The following MAGI2 variants were observed in gnomAD, a reference collection of about 807,000 sequenced individuals.
MAGI2 encodes the protein membrane-associated guanylate kinase, WW and PDZ domain-containing protein 2.
Under a neutral mutation model 133.3 loss-of-function variants are expected in MAGI2, and 35 were observed. The observed-to-expected ratio is 0.26, with a 90% CI of 0.20 to 0.35. MAGI2 has a LOEUF of 0.35. Among genes scored for constraint, MAGI2 ranks in the 10% least tolerant of loss-of-function variants. The probability of loss-of-function intolerance (pLI) is 1.00; values close to 1 mark genes in which losing one functional copy is unlikely to be tolerated. For missense variants in MAGI2, 1,636 were observed against 1,863.4 expected (o/e 0.88, Z 2.25); for synonymous variants, 729 against 710.6 (o/e 1.03, Z -0.41).
intron 1 of MAGI2, among the ~76,000 whole-genome samples, chr7:79,264,208 G>A (rs1834281525): frequency 6.6e-6 from 1 of 152,148 alleles, no homozygotes; most frequent in Non-Finnish European, 1.5e-5. Context: ...GTTTGTGGCT[G>A]CTGTTTTAGA....
Position 79,093,701 on chromosome 7 carries a change from T to C in MAGI2, c.302-86495A>G, listed in dbSNP as rs545787689. Among the ~76,000 whole-genome samples, 1,069 of 129,946 alleles carry C rather than the reference T, an allele frequency of 8.2e-3. 7 individuals carry two copies. The highest frequency in any genetic ancestry group is 0.012 in the Non-Finnish European group (762 of 61,494). 85.2% of individuals were successfully genotyped at this position (129,946 alleles called of 152,430 possible). On this transcript the variant is annotated intron_variant, in intron 1 of 21. Transcript: ENST00000354212. ...CTTTCTCTTTCTCTTTCTCTTTCTT[T>C]TTCTTTTCTTTTCTTTTTTTTTTTT...
At chr7:79,233,971 C>T (rs1374163572) in intron 1 of MAGI2, among the ~76,000 whole-genome samples, 1 of 146,962 alleles carries the variant, frequency 6.8e-6, no homozygotes, top group Non-Finnish European at 1.5e-5. Context: ...CCTTCAGGAG[C>T]TCTTTTAGGG....
At chr7:78,976,989 G>A (rs1184085094) in intron 2 of MAGI2, among the ~76,000 whole-genome samples, 1 of 151,590 alleles carries the variant, frequency 6.6e-6, no homozygotes, top group African/African-American at 2.4e-5. Context: ...TAGATTAAAG[G>A]ACTCAATATT....
intron 1 of MAGI2, among the ~76,000 whole-genome samples, chr7:79,192,031 A>G (rs555206920): frequency 6.6e-6 from 1 of 151,916 alleles, no homozygotes; most frequent in East Asian, 1.9e-4. Flanking sequence ...ATCTTTTTGC[A>G]TGTACATAGA....
At chr7:78,510,617 A>G (rs1236952390) in intron 4 of MAGI2, among the ~76,000 whole-genome samples, 2 of 152,234 alleles carry the variant, frequency 1.3e-5, no homozygotes, top group Non-Finnish European at 2.9e-5. Context: ...TCTTCTTTAA[A>G]AGGTGTTTGC....
chr7:78,655,465 A>AAC (rs1812117182), intron 2 of MAGI2, among the ~76,000 whole-genome samples: 1 of 140,812 alleles, frequency 7.1e-6, no homozygotes, highest in South Asian at 2.4e-4. Context: ...AAAAAAAAAA[A>AAC]AAAAAAAAAA....
intron 9 of MAGI2, among the ~76,000 whole-genome samples, chr7:78,280,413 A>G (rs1272135649): frequency 1.3e-5 from 2 of 152,146 alleles, no homozygotes; most frequent in African/African-American, 4.8e-5. Flanking sequence ...TCAGCTTACA[A>G]CATATTGTTT....
chr7:78,461,383 C>T (rs973319062), intron 6 of MAGI2, among the ~76,000 whole-genome samples: 1 of 92,658 alleles, frequency 1.1e-5, no homozygotes, highest in Non-Finnish European at 2.2e-5. Context: ...TTCCTGGACA[C>T]GTGTGTGTGC....
At chr7:79,329,988 T>C (rs1042530185) in intron 1 of MAGI2, among the ~76,000 whole-genome samples, 3 of 152,056 alleles carry the variant, frequency 2.0e-5, no homozygotes, top group Non-Finnish European at 4.4e-5. Context: ...ATAGGATTGA[T>C]TTTAAAAATA....
At chr7:79,327,964 A>G (rs1839819496) in intron 1 of MAGI2, among the ~76,000 whole-genome samples, 1 of 152,202 alleles carries the variant, frequency 6.6e-6, no homozygotes, top group African/African-American at 2.4e-5. Flanking sequence ...TATGATTTCA[A>G]TAATTAAATG....
intron 20 of MAGI2, among the ~76,000 whole-genome samples, chr7:78,085,550 C>CCA (rs10636313): frequency 0.17 from 20,903 of 120,860 alleles, 1,607 homozygotes; most frequent in Middle Eastern, 0.23. Context: ...AATAAAACTC[C>CCA]CACACACACA....
intron 6 of MAGI2, among the ~76,000 whole-genome samples, chr7:78,449,269 G>T (rs908863114): frequency 1.3e-5 from 2 of 151,946 alleles, no homozygotes; most frequent in Non-Finnish European, 2.9e-5. Flanking sequence ...CAGAAGAGCC[G>T]TATTTCTTGA....
At chr7:79,029,722 A>G (rs1470255894) in intron 1 of MAGI2, among the ~76,000 whole-genome samples, 1 of 152,174 alleles carries the variant, frequency 6.6e-6, no homozygotes, top group African/African-American at 2.4e-5. Context: ...CCTGTTTCAA[A>G]GTTTTAAAAT....
intron 1 of MAGI2, among the ~76,000 whole-genome samples, chr7:79,254,623 C>T (rs780781415): frequency 2.0e-5 from 3 of 152,180 alleles, no homozygotes; most frequent in African/African-American, 7.2e-5. Flanking sequence ...TCCCAGTGAA[C>T]AAAAATGCCA....
intron 1 of MAGI2, among the ~76,000 whole-genome samples, chr7:79,371,134 A>G (rs558521913): frequency 6.6e-6 from 1 of 152,258 alleles, no homozygotes; most frequent in South Asian, 2.1e-4. Context: ...TTCTTCTTCT[A>G]AAATCCGATA....
intron 2 of MAGI2, among the ~76,000 whole-genome samples, chr7:78,897,180 T>G (rs542298801): frequency 6.6e-6 from 1 of 152,244 alleles, no homozygotes; most frequent in East Asian, 1.9e-4. Flanking sequence ...TCTAATTTCA[T>G]GTATAAGGAA....
intron 3 of MAGI2, among the ~76,000 whole-genome samples, chr7:78,598,651 C>G (rs979871570): frequency 3.3e-5 from 5 of 151,982 alleles, no homozygotes; most frequent in East Asian, 3.9e-4. Flanking sequence ...TCAAGGAAAC[C>G]CGTTGGGAGG....
chr7:79,178,834 A>T (rs1264447871), intron 1 of MAGI2, among the ~76,000 whole-genome samples: 1 of 152,008 alleles, frequency 6.6e-6, no homozygotes, highest in Non-Finnish European at 1.5e-5. Context: ...TCTGCAAATA[A>T]TTTTCAAAAG....
chr7:79,371,409 A>G (rs983782492), intron 1 of MAGI2, among the ~76,000 whole-genome samples: 1 of 152,162 alleles, frequency 6.6e-6, no homozygotes, highest in Admixed American at 6.5e-5. Context: ...TAATAACACA[A>G]TCATGAGCCA....
Sources: gnomAD v4.1 joint callset for allele counts (sites outside exome capture counted in the v4.1 genomes callset) on GRCh38, gnomAD v4.1.1 for gene constraint, MANE v1.5 for transcripts, NCBI Gene and HGNC (gene_info 2026-07-23, HGNC 2026-07-21) for gene names.